The following HHIPL1 variants were observed in gnomAD, a reference collection of about 807,000 sequenced individuals.
HHIPL1 encodes the protein HHIP-like protein 1.
Under a neutral mutation model 61.8 loss-of-function variants are expected in HHIPL1, and 43 were observed. That is an observed-to-expected ratio of 0.70 (90% confidence interval 0.55 to 0.90). HHIPL1 has a LOEUF of 0.90. Among genes scored for constraint, HHIPL1 ranks in the 40% least tolerant of loss-of-function variants. HHIPL1 has a pLI of 0.00. For synonymous variants in HHIPL1, 482 were observed against 515.8 expected, an observed-to-expected ratio of 0.93 and a Z score of 0.89; for missense variants, 1,056 against 1,157.7, an observed-to-expected ratio of 0.91 and a Z score of 1.28.
the HHIPL1 span, among the ~76,000 whole-genome samples, chr14:99,632,262 C>T: frequency 6.6e-6 from 1 of 152,148 alleles, no homozygotes; most frequent in African/African-American, 2.4e-5. Context: ...ATTATCCAGG[C>T]CCTAGCAGGA....
At position 99,652,278 on chromosome 14, in the gene HHIPL1, CT is replaced by C; in HGVS notation, c.311del (p.Leu104ArgfsTer72). 6.2e-7 allele frequency: 1 copy of C among 1,613,832 alleles called. No individual in the cohort carries two copies. The highest frequency in any genetic ancestry group is 1.1e-5 in the South Asian group (1 of 91,068). ...TGACGCCGAGGACCCATTCACGCCC[CT>C]GCGCACGGTGCCCGGGCTCTGCCAG... ...LYDAEDPFTP[L>X]RTVPGLCQDY... is the part of the protein sequence containing the mutation. On this transcript the variant is annotated frameshift_variant, in exon 2 of 9. Transcript: ENST00000330710. LOFTEE classifies it high-confidence loss of function.
intron 5 of HHIPL1, 86 bp from the exon 6 acceptor site, chr14:99,662,790 G>A: frequency 9.2e-7 from 1 of 1,084,780 alleles, no homozygotes; most frequent in Non-Finnish European, 1.3e-6. Context: ...TGGATACATG[G>A]ATGGATGGAT....
At chr14:99,673,839 T>A (rs1466415658) in intron 8 of HHIPL1, among the ~76,000 whole-genome samples, 2 of 25,466 alleles carry the variant, frequency 7.9e-5, no homozygotes, top group African/African-American at 1.7e-4. Flanking sequence ...GGAGGGGGGG[T>A]GCACAGAGTT....
At chr14:99,622,485 G>A in the HHIPL1 span, among the ~76,000 whole-genome samples, 4 of 152,200 alleles carry the variant, frequency 2.6e-5, no homozygotes, top group Non-Finnish European at 4.4e-5. Flanking sequence ...TGTGTGACAC[G>A]GTGCTCTCTC....
In HHIPL1 at chr14:99,645,414, C is replaced by G. The variant is rs1371035568; in HGVS notation, c.207C>G (p.Ala69=). 1.4e-5 allele frequency: 19 copies of G among 1,390,382 alleles called. No homozygotes were observed. The highest frequency in any genetic ancestry group is 1.8e-5 in the Non-Finnish European group (19 of 1,075,976). The allele number at this position is 1,390,382 out of a possible 1,614,324, so 86.1% of individuals were successfully genotyped here. A position where few individuals can be genotyped will look rare whatever the true frequency, so the allele number is the denominator to read the frequency against. Residue 69 remains alanine, a synonymous_variant, in exon 1 of 9, where the codon GCC becomes GCG. Transcript: ENST00000330710. ...GGGCCCTGGCGAGCCGCGTGGACGC[C>G]GCCGAGTGGGCCGCGTGCGCCGGCT... is the stretch of plus-strand genomic sequence containing the variant. ...RFWALASRVD[A]AEWAACAGYA...
the HHIPL1 span, among the ~76,000 whole-genome samples, chr14:99,620,320 C>T: frequency 6.6e-5 from 10 of 152,256 alleles, no homozygotes; most frequent in East Asian, 1.9e-4. Context: ...TTCCAGACAA[C>T]GAAGGGCTTC....
At chr14:99,636,117 C>A in the HHIPL1 span, among the ~76,000 whole-genome samples, 8 of 152,306 alleles carry the variant, frequency 5.3e-5, no homozygotes, top group East Asian at 1.3e-3. Context: ...GCTGTTGTCA[C>A]CTCTCTGTGC....
intron 1 of HHIPL1, among the ~76,000 whole-genome samples, chr14:99,646,867 A>AATATAATATAATATAATATG (rs1478340795): frequency 2.3e-4 from 21 of 92,616 alleles, no homozygotes; most frequent in Non-Finnish European, 4.7e-4. Flanking sequence ...AATATGATAT[A>AATATAATATAATATAATATG]ATATGATACA....
chr14:99,637,072 AAG>A, the HHIPL1 span, among the ~76,000 whole-genome samples: 17 of 100,462 alleles, frequency 1.7e-4, no homozygotes, highest in Admixed American at 9.0e-4. Flanking sequence ...AAAAGAAAGA[AAG>A]AGAGAGAAAG....
upstream of HHIPL1, chr14:99,645,098 G>C (rs1053079457): frequency 8.0e-6 from 8 of 994,866 alleles, no homozygotes; most frequent in Admixed American, 4.4e-5. Flanking sequence ...CCAAACTCGA[G>C]GCCCTGCGTG....
rs993258848 is a variant in HHIPL1, at chr14:99,645,193, C to T, written c.-15C>T. 91 of 1,274,228 alleles carry T rather than the reference C, an allele frequency of 7.1e-5. No individual in the cohort carries two copies. Among genetic ancestry groups the T allele is most frequent in the Non-Finnish European group, 8.5e-5 (86 of 1,010,988 alleles). The allele number at this position is 1,274,228 out of a possible 1,614,324, so 78.9% of individuals were successfully genotyped here. On this transcript the variant is annotated 5_prime_UTR_variant, in exon 1 of 9. Transcript: ENST00000330710. ...GGCTGCCGTCCCTCCGCCTCTTCCC[C>T]CGCGGGGCGTAGCGATGGCCCGGGC...
chr14:99,668,046 G>A lies in HHIPL1; in HGVS notation c.1649-176G>A, dbSNP rs2056274045. On this transcript the variant is annotated intron_variant, in intron 6 of 8. Coordinates refer to ENST00000330710, the MANE Select transcript of HHIPL1 (RefSeq NM_001127258.3). The surrounding 1 kb of genome is among the most constrained non-coding windows in gnomAD (Gnocchi z 4.7). ...TGGGTACAACCCAACTCCTCACCCA[G>A]CCTCACTTCCTCTTTCTGGGGACTG... Among the ~76,000 whole-genome samples, 1 of 152,188 alleles carries A rather than the reference G, an allele frequency of 6.6e-6. No homozygotes were observed.
chr14:99,675,735 G>A lies in HHIPL1; in HGVS notation c.*109G>A, dbSNP rs2056384867. Reference sequence around the variant, plus strand: ...ACACGTGTTCTAGAGTGAAGGGGGTGCGGGTGTGTGCTGTCCTGGGGACAT... The same window carrying A: ...ACACGTGTTCTAGAGTGAAGGGGGTACGGGTGTGTGCTGTCCTGGGGACAT... On this transcript the variant is annotated 3_prime_UTR_variant, in exon 9 of 9. Transcript: ENST00000330710. The surrounding 1 kb of genome is among the most constrained non-coding windows in gnomAD (Gnocchi z 5.4). 1 of 1,127,682 alleles carries A rather than the reference G, an allele frequency of 8.9e-7. No homozygotes were observed. 69.9% of individuals were successfully genotyped at this position (1,127,682 alleles called of 1,614,324 possible).
At chr14:99,638,367 C>T in the HHIPL1 span, among the ~76,000 whole-genome samples, 6 of 152,158 alleles carry the variant, frequency 3.9e-5, no homozygotes, top group African/African-American at 1.4e-4. Flanking sequence ...GAGGCTGCCC[C>T]GAGGCCTTCC....
At position 99,662,186 on chromosome 14, in the gene HHIPL1, C is replaced by T. The variant is rs113691684; in HGVS notation, c.1503-690C>T. On this transcript the variant is annotated intron_variant, in intron 5 of 8. Transcript: ENST00000330710. ...ACCCCTCGTACCCGAGCCAGGGAGA[C>T]AGACCCATTCAGTCCACTGCACTGC... Among the ~76,000 whole-genome samples the T allele has an allele frequency of 7.1e-3, 1,074 of 151,992 alleles. 7 individuals carry two copies. The highest frequency in any genetic ancestry group is 0.012 in the Non-Finnish European group (825 of 67,944).
intron 2 of HHIPL1, among the ~76,000 whole-genome samples, chr14:99,653,826 A>G (rs1217090928): frequency 6.6e-6 from 1 of 152,234 alleles, no homozygotes; most frequent in Non-Finnish European, 1.5e-5. Context: ...TCCAGTAGGA[A>G]ATAAACCCTG....
Position 99,672,212 on chromosome 14 carries a change from C to T in HHIPL1, c.1731-105C>T. The T allele has an allele frequency of 8.5e-6, 7 of 820,918 alleles. No homozygotes were observed. The South Asian group carries it at 1.1e-4, about 12-fold the overall frequency. The allele number at this position is 820,918 out of a possible 1,614,324, so 50.9% of individuals were successfully genotyped here. A position where few individuals can be genotyped will look rare whatever the true frequency, so the allele number is the denominator to read the frequency against. On this transcript the variant is annotated intron_variant, in intron 7 of 8. Transcript: ENST00000330710. Reference sequence around the variant, plus strand: ...ACAGTAGGTGCATGGTGAATGGCCGCCTGTTACTATCGTTGCTGTTCATAC... The same window carrying T: ...ACAGTAGGTGCATGGTGAATGGCCGTCTGTTACTATCGTTGCTGTTCATAC...
At chr14:99,615,109 C>T in the HHIPL1 span, among the ~76,000 whole-genome samples, 22 of 151,974 alleles carry the variant, frequency 1.4e-4, no homozygotes, top group African/African-American at 5.1e-4. Context: ...GGTCATGAAG[C>T]GATGTCTCAG....
In HHIPL1 at chr14:99,659,853, C is replaced by CA; in HGVS notation, c.1375+97_1375+98insA. 3.5e-6 allele frequency: 2 copies of CA among 566,518 alleles called. 1 individual carries two copies. The highest frequency in any genetic ancestry group is 4.7e-5 in the African/African-American group (2 of 42,804). The allele number at this position is 566,518 out of a possible 1,614,324, so 35.1% of individuals were successfully genotyped here. A position where few individuals can be genotyped will look rare whatever the true frequency, so the allele number is the denominator to read the frequency against. ...GCCTCCCTCGGAGACCGCACCCCCC[C>CA]CCCCCCGGAGATCCCTGACCCTGAG... On this transcript the variant is annotated intron_variant, in intron 4 of 8. Coordinates refer to ENST00000330710, the MANE Select transcript of HHIPL1 (RefSeq NM_001127258.3).
Sources: gnomAD v4.1 joint callset for allele counts (sites outside exome capture counted in the v4.1 genomes callset) on GRCh38, gnomAD v4.1.1 for gene constraint, Gnocchi (gnomAD v3.1) non-coding constraint, MANE v1.5 for transcripts, NCBI Gene and HGNC (gene_info 2026-07-23, HGNC 2026-07-21) for gene names.